The following PPARG variants were observed in gnomAD, a reference collection of about 807,000 sequenced individuals.
PPARG encodes the protein peroxisome proliferator-activated receptor gamma.
PPARG carries 17 observed loss-of-function variants against 39.2 expected under a neutral mutation model. That is an observed-to-expected ratio of 0.43 (90% confidence interval 0.30 to 0.65). PPARG has a LOEUF of 0.65. Among genes scored for constraint, PPARG ranks in the 30% least tolerant of loss-of-function variants. The pLI is 0.13. For synonymous variants in PPARG, 223 were observed against 215.7 expected, an observed-to-expected ratio of 1.03 and a Z score of -0.30; for missense variants, 406 against 585.9, an observed-to-expected ratio of 0.69 and a Z score of 3.17.
chr3:12,301,209 C>T (rs2046916786), intron 1 of PPARG, among the ~76,000 whole-genome samples: 1 of 152,154 alleles, frequency 6.6e-6, no homozygotes, highest in Admixed American at 6.5e-5. Context: ...TTTTAATGGC[C>T]TAAGGGCCAG....
intron 2 of PPARG, among the ~76,000 whole-genome samples, chr3:12,378,257 C>T (rs1466734506): frequency 6.6e-6 from 1 of 152,146 alleles, no homozygotes; most frequent in Non-Finnish European, 1.5e-5. Flanking sequence ...TCTAGCAATC[C>T]TACTTCTGGG....
At chr3:12,390,360 T>C (rs919029303) in intron 4 of PPARG, among the ~76,000 whole-genome samples, 1 of 152,156 alleles carries the variant, frequency 6.6e-6, no homozygotes, top group Non-Finnish European at 1.5e-5. Context: ...CTTCTCATAA[T>C]AGCAAAAAAT....
intron 1 of PPARG, among the ~76,000 whole-genome samples, chr3:12,296,592 C>A (rs2046792624): frequency 6.6e-6 from 1 of 152,104 alleles, no homozygotes; most frequent in Admixed American, 6.5e-5. Context: ...CTCTTGGAAC[C>A]ATCCTATAAA....
chr3:12,416,563 T>G (rs529721505), intron 6 of PPARG, 141 bp from the exon 7 acceptor site: 1 of 795,870 alleles, frequency 1.3e-6, no homozygotes, highest in Non-Finnish European at 2.0e-6. Flanking sequence ...TGAGAGTATT[T>G]TCTCATTATT....
rs183633359 is a variant in PPARG at position 12,378,254 on chromosome 3, A to G, written c.-8-1450A>G. Among the ~76,000 whole-genome samples, 23 of 152,310 alleles carry G rather than the reference A, an allele frequency of 1.5e-4. No homozygotes were observed. The East Asian group carries it at 3.3e-3, about 22-fold the overall frequency. Reference sequence around the variant, plus strand: ...AATAGAACTAGCATATGATCTAGCAATCCTACTTCTGGGTATATATCCAAG... The same window carrying G: ...AATAGAACTAGCATATGATCTAGCAGTCCTACTTCTGGGTATATATCCAAG... On this transcript the variant is annotated intron_variant, in intron 2 of 7. Transcript: ENST00000651735.
rs1459597030 is a variant in PPARG, at chr3:12,325,687, A to G, written c.-9+13234A>G. ...ACTTTGATTTTTTTTTTTTTTCTCA[A>G]TCTCTTCCATGACAATTCAGGGACA... On this transcript the variant is annotated intron_variant, in intron 2 of 7. Coordinates refer to ENST00000651735, the MANE Select transcript of PPARG (RefSeq NM_138711.6). Among the ~76,000 whole-genome samples, 8 of 150,634 alleles carry G rather than the reference A, an allele frequency of 5.3e-5. No individual in the cohort carries two copies. The East Asian group carries it at 9.7e-4, about 18-fold the overall frequency.
chr3:12,405,805 A>C (rs1173534340), intron 5 of PPARG, 77 bp from the exon 6 acceptor site: 2 of 1,463,700 alleles, frequency 1.4e-6, no homozygotes, highest in African/African-American at 2.8e-5. Flanking sequence ...TGTGGGAACG[A>C]GGGCTGGGAG....
intron 2 of PPARG, among the ~76,000 whole-genome samples, chr3:12,340,998 T>C (rs905471213): frequency 3.9e-5 from 6 of 151,958 alleles, no homozygotes; most frequent in Non-Finnish European, 7.4e-5. Flanking sequence ...GTCTGGCCAA[T>C]ATGGTGAAAC....
intron 2 of PPARG, among the ~76,000 whole-genome samples, chr3:12,341,398 T>C (rs977018203): frequency 2.0e-5 from 3 of 152,208 alleles, no homozygotes; most frequent in African/African-American, 7.2e-5. Flanking sequence ...GTTGAAGATA[T>C]TTACCTTTTT....
chr3:12,399,820 C>CAAAAAA (rs36025945), intron 5 of PPARG, among the ~76,000 whole-genome samples: 1 of 103,268 alleles, frequency 9.7e-6, no homozygotes, highest in Non-Finnish European at 1.9e-5. Flanking sequence ...CCATGTCTAC[C>CAAAAAA]AAAAAAAAAA....
intron 2 of PPARG, among the ~76,000 whole-genome samples, chr3:12,337,774 T>C (rs2048056306): frequency 6.6e-6 from 1 of 152,072 alleles, no homozygotes; most frequent in Admixed American, 6.5e-5. Context: ...TAAAAATAAA[T>C]AAAAATAGCA....
intron 6 of PPARG, among the ~76,000 whole-genome samples, chr3:12,411,467 G>T (rs1291972542): frequency 6.6e-6 from 1 of 152,012 alleles, no homozygotes; most frequent in Non-Finnish European, 1.5e-5. Context: ...GGTTCAAAAG[G>T]CCCTGCCCCA....
chr3:12,288,657 G>T (rs1230730899), upstream of PPARG, among the ~76,000 whole-genome samples: 4 of 152,112 alleles, frequency 2.6e-5, no homozygotes, highest in African/African-American at 9.7e-5. Flanking sequence ...GGGACCGGGG[G>T]ACCGTTCAGC....
chr3:12,400,861 C>G (rs2050446788), intron 5 of PPARG, among the ~76,000 whole-genome samples: 1 of 152,092 alleles, frequency 6.6e-6, no homozygotes, highest in Non-Finnish European at 1.5e-5. Context: ...AGTTGAAGAC[C>G]AGAGAAGTTC....
At chr3:12,370,114 T>G (rs1321832843) in intron 2 of PPARG, among the ~76,000 whole-genome samples, 1 of 152,094 alleles carries the variant, frequency 6.6e-6, no homozygotes, top group East Asian at 1.9e-4. Context: ...GGATGCCTTA[T>G]CATTCTGAAA....
chr3:12,399,729 G>A (rs1488766951), intron 5 of PPARG, among the ~76,000 whole-genome samples: 4 of 150,766 alleles, frequency 2.7e-5, no homozygotes, highest in East Asian at 1.9e-4. Flanking sequence ...TGAGCCAGGT[G>A]TAGTGGCTCA....
intron 1 of PPARG, among the ~76,000 whole-genome samples, chr3:12,303,022 T>G (rs1021892568): frequency 6.6e-6 from 1 of 152,142 alleles, no homozygotes; most frequent in African/African-American, 2.4e-5. Context: ...AAGGGTAGAT[T>G]TGAGGGTAAG....
At chr3:12,292,039 T>C (rs949907649) in intron 1 of PPARG, among the ~76,000 whole-genome samples, 1 of 152,278 alleles carries the variant, frequency 6.6e-6, no homozygotes, top group African/African-American at 2.4e-5. Flanking sequence ...GCTAACTCTT[T>C]TACCAATGTT....
intron 7 of PPARG, among the ~76,000 whole-genome samples, chr3:12,432,902 A>G (rs1211629987): frequency 6.6e-6 from 1 of 152,164 alleles, no homozygotes; most frequent in Admixed American, 6.5e-5. Context: ...TTGAGAATAA[A>G]TCTAACAAGA....
Sources: gnomAD v4.1 joint callset for allele counts (sites outside exome capture counted in the v4.1 genomes callset) on GRCh38, gnomAD v4.1.1 for gene constraint, MANE v1.5 for transcripts, NCBI Gene and HGNC (gene_info 2026-07-23, HGNC 2026-07-21) for gene names.